The following SERPINB12 variants were observed in gnomAD, a reference collection of about 807,000 sequenced individuals.
SERPINB12 encodes serpin B12.
SERPINB12 carries 57 observed loss-of-function variants against 41.1 expected under a neutral mutation model. The ratio of observed to expected loss-of-function variants is 1.39; its 90% CI spans 1.12 to 1.73. The LOEUF (loss-of-function observed/expected upper bound fraction) is 1.73. SERPINB12 is among the 40% of genes most tolerant of loss of function. The probability of loss-of-function intolerance (pLI) is 0.00; values close to 1 mark genes in which losing one functional copy is unlikely to be tolerated. For synonymous variants in SERPINB12, 180 were observed against 181.3 expected, an observed-to-expected ratio of 0.99 and a Z score of 0.06; for missense variants, 536 against 501.9, an observed-to-expected ratio of 1.07 and a Z score of -0.65.
Position 63,567,195 on chromosome 18 carries a change from G to A in SERPINB12, c.*184G>A, listed in dbSNP as rs953213685. Among the ~76,000 whole-genome samples, 1 of 152,114 alleles carries A rather than the reference G, an allele frequency of 6.6e-6. No individual in the cohort carries two copies. The highest frequency in any genetic ancestry group is 2.4e-5 in the African/African-American group (1 of 41,424). ...AGCTTATTTTCATCTGAGTCTGTTA[G>A]TATTGAAGGGCTGTTGTTCTCTACC... On this transcript the variant is annotated 3_prime_UTR_variant, in exon 8 of 8. Transcript: ENST00000382768.
chr18:63,531,937 C>T, the SERPINB12 span, among the ~76,000 whole-genome samples: 1 of 152,116 alleles, frequency 6.6e-6, no homozygotes, highest in South Asian at 2.1e-4. Context: ...ACTGTTACTT[C>T]CCATAATAAG....
chr18:63,548,778 T>G (rs967104772), intron 1 of SERPINB12, among the ~76,000 whole-genome samples: 2 of 144,940 alleles, frequency 1.4e-5, no homozygotes, highest in African/African-American at 2.9e-5. Context: ...TTTCTTTTTA[T>G]TTTTTAAGTT....
upstream of SERPINB12, among the ~76,000 whole-genome samples, chr18:63,540,247 T>C (rs184315325): frequency 1.3e-5 from 2 of 152,304 alleles, no homozygotes; most frequent in African/African-American, 4.8e-5. Flanking sequence ...TACTAGGTTT[T>C]AGGAGAGGAA....
the SERPINB12 span, among the ~76,000 whole-genome samples, chr18:63,536,483 A>G: frequency 0.014 from 2,186 of 152,270 alleles, 44 homozygotes; most frequent in African/African-American, 0.049. Flanking sequence ...AAATAAAACA[A>G]GGTGATTCCA....
chr18:63,558,576 C>T, intron 3 of SERPINB12, 90 bp downstream of exon 3: 2 of 1,360,674 alleles, frequency 1.5e-6, no homozygotes, highest in South Asian at 2.9e-5. Context: ...TGCTTATCCC[C>T]AAATATTAGA....
the SERPINB12 span, among the ~76,000 whole-genome samples, chr18:63,525,221 A>G: frequency 6.6e-6 from 1 of 152,176 alleles, no homozygotes; most frequent in Non-Finnish European, 1.5e-5. Context: ...CCTCTGATTT[A>G]GACAATAAAG....
chr18:63,556,507 C>T (rs1028962519), intron 2 of SERPINB12, among the ~76,000 whole-genome samples, 180 bp downstream of exon 2: 2 of 152,172 alleles, frequency 1.3e-5, no homozygotes, highest in South Asian at 2.1e-4. Flanking sequence ...TCGATCCTAC[C>T]ATTCTTAAAG....
chr18:63,537,416 G>T (rs906792524), upstream of SERPINB12, among the ~76,000 whole-genome samples: 2 of 152,184 alleles, frequency 1.3e-5, no homozygotes, highest in Non-Finnish European at 2.9e-5. Context: ...ATGTATTCAG[G>T]TGTGGCCAGA....
In SERPINB12 at chr18:63,558,443, C is replaced by G; in HGVS notation, c.260C>G (p.Ser87Cys). 1 of 1,613,856 alleles carries G rather than the reference C, an allele frequency of 6.2e-7. No individual in the cohort carries two copies. The highest frequency in any genetic ancestry group is 8.5e-7 in the Non-Finnish European group (1 of 1,179,828). ...AAACAAAAAGTGCTGGCTGACAGCT[C>G]TCTGGAGGGGCAGAAAAAAACGACA... is the stretch of plus-strand genomic sequence containing the variant. Reference protein sequence around the residue: ...SNKQKVLADSSLEGQKKTTEP... With the variant: ...SNKQKVLADSCLEGQKKTTEP... Residue 87 changes from serine (S) to cysteine (C), a missense_variant, in exon 3 of 8, where the codon TCT becomes TGT. Ser to Cys is a moderately radical substitution (Grantham distance 112). Coordinates refer to ENST00000382768, the MANE Select transcript of SERPINB12 (RefSeq NM_001307928.2).
At chr18:63,562,133 G>A (rs1193057341) in intron 5 of SERPINB12, among the ~76,000 whole-genome samples, 2 of 152,120 alleles carry the variant, frequency 1.3e-5, no homozygotes, top group Non-Finnish European at 2.9e-5. Flanking sequence ...GGCTCTGGGC[G>A]GGAAAGGAGG....
chr18:63,563,976 A>G lies in SERPINB12; in HGVS notation c.563-2A>G, dbSNP rs1599427783. The G allele has an allele frequency of 1.9e-6, 3 of 1,600,350 alleles. No individual in the cohort carries two copies. Among genetic ancestry groups the G allele is most frequent in the East Asian group, 2.2e-5 (1 of 44,702 alleles). On this transcript the variant is annotated splice_acceptor_variant, in intron 5 of 7. Transcript: ENST00000382768. LOFTEE classifies it high-confidence loss of function. The stretch of plus-strand genomic sequence containing the variant: ...AGGATATTCTCTGGGATCTTTTTTT[A>G]GGTAAAATCAAGGAACTCTTCAGCA...
At position 63,554,582 on chromosome 18, in the gene SERPINB12, A is replaced by G. The variant is rs570244627; in HGVS notation, c.-18-1560A>G. On this transcript the variant is annotated intron_variant, in intron 1 of 7. Transcript: ENST00000382768. Reference sequence around the variant, plus strand: ...GGAAATACACAATATCTATAGGCAAAGAGACAAAAGAAAAGGCATTTCATT... The same window carrying G: ...GGAAATACACAATATCTATAGGCAAGGAGACAAAAGAAAAGGCATTTCATT... Among the ~76,000 whole-genome samples, 65 of 152,354 alleles carry G rather than the reference A, an allele frequency of 4.3e-4. 1 individual carries two copies. In the South Asian group the frequency reaches 0.012, roughly 28 times the overall value.
At chr18:63,525,783 G>A in the SERPINB12 span, among the ~76,000 whole-genome samples, 15 of 152,096 alleles carry the variant, frequency 9.9e-5, no homozygotes, top group Non-Finnish European at 1.9e-4. Flanking sequence ...TCTTTGTTAA[G>A]TGATTTTATA....
upstream of SERPINB12, among the ~76,000 whole-genome samples, chr18:63,537,560 A>T (rs536549075): frequency 5.9e-5 from 9 of 152,250 alleles, no homozygotes; most frequent in South Asian, 6.2e-4. Flanking sequence ...ATTTGTTACG[A>T]GTGTGGATAA....
chr18:63,540,864 A>G (rs1353146881), upstream of SERPINB12, among the ~76,000 whole-genome samples: 1 of 152,202 alleles, frequency 6.6e-6, no homozygotes, highest in East Asian at 1.9e-4. Flanking sequence ...ATGAAGAAGA[A>G]ATATCTAGGT....
intron 5 of SERPINB12, among the ~76,000 whole-genome samples, chr18:63,562,237 C>G (rs1204925373): frequency 6.6e-6 from 1 of 152,172 alleles, no homozygotes; most frequent in Non-Finnish European, 1.5e-5. Flanking sequence ...AGAATAAACT[C>G]TTCCCTCCAG....
At chr18:63,557,312 C>G (rs1003145225) in intron 2 of SERPINB12, among the ~76,000 whole-genome samples, 2 of 152,148 alleles carry the variant, frequency 1.3e-5, no homozygotes, top group Non-Finnish European at 1.5e-5. Context: ...CTACTTTGAC[C>G]TCCTAATCTA....
the SERPINB12 span, among the ~76,000 whole-genome samples, chr18:63,527,146 G>A: frequency 6.6e-6 from 1 of 152,142 alleles, no homozygotes; most frequent in South Asian, 2.1e-4. Flanking sequence ...ATCTCCAAGT[G>A]GTCTTAAATT....
intron 1 of SERPINB12, among the ~76,000 whole-genome samples, chr18:63,555,625 T>G (rs1910647526): frequency 6.6e-6 from 1 of 152,192 alleles, no homozygotes; most frequent in Admixed American, 6.5e-5. Flanking sequence ...TCTAATTCAG[T>G]GACTGCTGTC....
Sources: allele counts gnomAD v4.1 joint callset (sites outside exome capture counted in the v4.1 genomes callset), GRCh38; gene constraint gnomAD v4.1.1; transcripts MANE v1.5; gene names NCBI Gene and HGNC (gene_info 2026-07-23, HGNC 2026-07-21).